Variants in SLC9C2 observed in about 807,000 individuals in gnomAD.
The protein encoded by SLC9C2 is sodium/hydrogen exchanger 11.
In SLC9C2, 75 loss-of-function variants were observed where a neutral mutation model predicts 140.2. The ratio of observed to expected loss-of-function variants is 0.53; its 90% CI spans 0.44 to 0.65. The LOEUF (loss-of-function observed/expected upper bound fraction) is 0.65, where lower values mean the gene tolerates loss of function less well. SLC9C2 is among the 30% of genes least tolerant of loss of function. SLC9C2 has a pLI of 0.00. For synonymous variants in SLC9C2, 375 were observed against 420.9 expected, an observed-to-expected ratio of 0.89 and a Z score of 1.34; for missense variants, 1,074 against 1,331.8, an observed-to-expected ratio of 0.81 and a Z score of 3.01.
At chr1:173,576,879 G>T in intron 7 of SLC9C2, 119 bp from the exon 8 acceptor site, 1 of 701,992 alleles carries the variant, frequency 1.4e-6, no homozygotes, top group Non-Finnish European at 2.3e-6. Context: ...GTTCTTAGAA[G>T]GTTGCTTCAA....
chr1:173,512,082 G>A (rs916194799), intron 23 of SLC9C2, among the ~76,000 whole-genome samples: 1 of 152,186 alleles, frequency 6.6e-6, no homozygotes, highest in Non-Finnish European at 1.5e-5. Context: ...AAGTCAGCTA[G>A]CGTGATGCCT....
At chr1:173,554,192 C>T (rs1335804840) in intron 11 of SLC9C2, among the ~76,000 whole-genome samples, 2 of 152,166 alleles carry the variant, frequency 1.3e-5, no homozygotes, top group African/African-American at 2.4e-5. Context: ...ATCGCCAGCC[C>T]GGAAAGATGA....
chr1:173,593,637 A>C (rs1666293620), intron 4 of SLC9C2, among the ~76,000 whole-genome samples: 1 of 152,170 alleles, frequency 6.6e-6, no homozygotes, highest in South Asian at 2.1e-4. Flanking sequence ...AACCTATCTC[A>C]CATGGAATGA....
intron 20 of SLC9C2, 50 bp from the exon 21 acceptor site, chr1:173,524,144 T>C: frequency 6.6e-7 from 1 of 1,513,396 alleles, no homozygotes; most frequent in Non-Finnish European, 8.9e-7. Context: ...TAACAGAAAA[T>C]GGACACTAGG....
chr1:173,582,821 T>C (rs1665627541), intron 6 of SLC9C2, among the ~76,000 whole-genome samples: 2 of 152,162 alleles, frequency 1.3e-5, no homozygotes, highest in South Asian at 2.1e-4. Context: ...CAGTCCTGCA[T>C]ACAATGTTCT....
chr1:173,575,109 G>A (rs1665093518), intron 8 of SLC9C2, among the ~76,000 whole-genome samples: 1 of 152,126 alleles, frequency 6.6e-6, no homozygotes, highest in Admixed American at 6.5e-5. Flanking sequence ...GGCAAAGCAA[G>A]ATCCTGTCTC....
intron 10 of SLC9C2, among the ~76,000 whole-genome samples, 188 bp downstream of exon 10, chr1:173,557,152 C>G (rs1246006536): frequency 1.3e-5 from 2 of 152,094 alleles, no homozygotes; most frequent in African/African-American, 2.4e-5. Context: ...CATAACTACT[C>G]CATGACTATT....
At chr1:173,534,429 T>C in intron 16 of SLC9C2, 55 bp downstream of exon 16, 1 of 1,475,640 alleles carries the variant, frequency 6.8e-7, no homozygotes, top group Non-Finnish European at 9.1e-7. Flanking sequence ...ACAAAATAGA[T>C]TCAAAATACC....
chr1:173,527,413 G>C (rs1013484502), intron 18 of SLC9C2, among the ~76,000 whole-genome samples: 2 of 152,196 alleles, frequency 1.3e-5, no homozygotes, highest in Non-Finnish European at 1.5e-5. Context: ...TGAGCAGCTA[G>C]TTGGGAAGCC....
Position 173,517,848 on chromosome 1 carries a change from G to GA in SLC9C2, c.2740-145dup, listed in dbSNP as rs142952976. ...GGTGTGAAAGAAGAATTAGGCTTAAGAAAAAAAAATCATGATTTCTTTAAC... is the reference window on the plus strand; with the variant it reads ...GGTGTGAAAGAAGAATTAGGCTTAAGAAAAAAAAAATCATGATTTCTTTAAC... On this transcript the variant is annotated intron_variant, in intron 22 of 27. Transcript: ENST00000367714. 7.1e-3 allele frequency: 4,636 copies of GA among 648,686 alleles called. 144 individuals carry two copies. In the East Asian group the frequency reaches 0.1, roughly 14 times the overall value. 40.2% of individuals were successfully genotyped at this position (648,686 alleles called of 1,614,324 possible).
chr1:173,542,854 G>C (rs566607507), intron 13 of SLC9C2, among the ~76,000 whole-genome samples: 10 of 152,266 alleles, frequency 6.6e-5, no homozygotes, highest in African/African-American at 2.2e-4. Context: ...TTGATGGGAT[G>C]TATCTCAAAA....
chr1:173,538,974 G>A (rs1463288961), intron 13 of SLC9C2, among the ~76,000 whole-genome samples: 1 of 152,170 alleles, frequency 6.6e-6, no homozygotes, highest in East Asian at 1.9e-4. Context: ...GCAGGGGAAA[G>A]GGTAAGAAAA....
chr1:173,553,930 C>A (rs1024185989), intron 11 of SLC9C2, among the ~76,000 whole-genome samples: 28 of 152,186 alleles, frequency 1.8e-4, no homozygotes, highest in Admixed American at 1.8e-3. Context: ...TAAGGCTCTA[C>A]GATAAGACTT....
rs374880612 is a variant in SLC9C2, at chr1:173,517,622, C to G, written c.2822G>C (p.Cys941Ser). ...CTCTCCAATTATGTCCCCAGTAGTA[C>G]AGAACTCTGTAAACATGTCTCTGGA... The part of the protein sequence containing the change: ...RGSRDMFTEF[C>S]TTGDIIGELS... Residue 941 changes from cysteine (C) to serine (S), a missense_variant, in exon 23 of 28, where the codon TGT becomes TCT. Coordinates refer to ENST00000367714, the MANE Select transcript of SLC9C2 (RefSeq NM_178527.4). The G allele has an allele frequency of 1.1e-4, 179 of 1,614,014 alleles. 6 individuals carry two copies. In the South Asian group the frequency reaches 1.9e-3, roughly 17 times the overall value.
In SLC9C2 at chr1:173,547,732, G is replaced by A; in HGVS notation, c.1514C>T (p.Ala505Val). ...DMKTESTTDE[A>V]LMEEARLHVA... ...ATGCAATCTGGCTTCCTCCATTAAAGCTTCATCTGTTGTGGATTCTGTCTT... is the reference window on the plus strand; with the variant it reads ...ATGCAATCTGGCTTCCTCCATTAAAACTTCATCTGTTGTGGATTCTGTCTT... Residue 505 changes from alanine (A) to valine (V), a missense_variant, in exon 13 of 28, where the codon GCT becomes GTT. Ala to Val is a moderately conservative substitution (Grantham distance 64). Coordinates refer to ENST00000367714, the MANE Select transcript of SLC9C2 (RefSeq NM_178527.4). 5 of 1,610,584 alleles carry A rather than the reference G, an allele frequency of 3.1e-6. No individual in the cohort carries two copies. The highest frequency in any genetic ancestry group is 4.2e-6 in the Non-Finnish European group (5 of 1,177,344).
At position 173,576,978 on chromosome 1, in the gene SLC9C2, A is replaced by T. The variant is rs1354198116; in HGVS notation, c.803-218T>A. 2.0e-5 allele frequency among the ~76,000 whole-genome samples: 3 copies of T among 152,254 alleles called. No homozygotes were observed. In the East Asian group the frequency reaches 5.8e-4, roughly 29 times the overall value. The stretch of plus-strand genomic sequence containing the variant: ...AATATTTAGTGTTTGTGATGCATAC[A>T]GCCTCTGTTACAATGGTTCAACTCA... On this transcript the variant is annotated intron_variant, in intron 7 of 27. Coordinates refer to ENST00000367714, the MANE Select transcript of SLC9C2 (RefSeq NM_178527.4).
chr1:173,597,760 G>C, intron 4 of SLC9C2, 144 bp downstream of exon 4: 1 of 765,572 alleles, frequency 1.3e-6, no homozygotes, highest in Non-Finnish European at 1.9e-6. Context: ...ATTCTTTTTA[G>C]TTAGTAGTTC....
At chr1:173,586,502 C>T (rs1025830234) in intron 5 of SLC9C2, among the ~76,000 whole-genome samples, 10 of 152,108 alleles carry the variant, frequency 6.6e-5, no homozygotes, top group African/African-American at 2.2e-4. Flanking sequence ...AAAACCTGAC[C>T]GTTTGACCCA....
chr1:173,562,323 C>A (rs534303324), intron 9 of SLC9C2, among the ~76,000 whole-genome samples: 1 of 152,058 alleles, frequency 6.6e-6, no homozygotes, highest in African/African-American at 2.4e-5. Flanking sequence ...TCTTTTAATG[C>A]GTTTCATAAT....
Sources: gnomAD v4.1 joint callset for allele counts (sites outside exome capture counted in the v4.1 genomes callset) on GRCh38, gnomAD v4.1.1 for gene constraint, MANE v1.5 for transcripts, NCBI Gene and HGNC (gene_info 2026-07-23, HGNC 2026-07-21) for gene names.